NAA11: variants seen among roughly 807,000 people sequenced by gnomAD.
The protein encoded by NAA11 is N-alpha-acetyltransferase 11, NatA catalytic subunit.
A neutral mutation model predicts 16.1 loss-of-function variants in NAA11; 15 were observed. The ratio of observed to expected loss-of-function variants is 0.93; its 90% CI spans 0.62 to 1.44. The LOEUF (loss-of-function observed/expected upper bound fraction) is 1.44, where lower values mean the gene tolerates loss of function less well. NAA11 is among the 40% of genes most tolerant of loss of function. The pLI, the probability that NAA11 is intolerant of heterozygous loss-of-function variation, is 0.00. For synonymous variants in NAA11, 122 were observed against 112.4 expected (o/e 1.09, Z -0.54); for missense variants, 298 against 291.3 (o/e 1.02, Z -0.17).
At chr4:79,292,514 G>A (rs1723111038) in intron 2 of NAA11, among the ~76,000 whole-genome samples, 1 of 152,186 alleles carries the variant, frequency 6.6e-6, no homozygotes, top group African/African-American at 2.4e-5. Flanking sequence ...TTGTACATCT[G>A]TGCCTGACTT....
chr4:79,254,284 A>C (rs1490989394), intron 2 of NAA11, among the ~76,000 whole-genome samples: 1 of 152,218 alleles, frequency 6.6e-6, no homozygotes, highest in Admixed American at 6.5e-5. Context: ...AAACATTTTC[A>C]TATCTATCAA....
At chr4:79,314,996 A>G (rs1723885589), downstream of NAA11, among the ~76,000 whole-genome samples, 1 of 152,176 alleles carries the variant, frequency 6.6e-6, no homozygotes, top group African/African-American at 2.4e-5. Flanking sequence ...TATATTTAAG[A>G]AGGGGAATCT....
chr4:79,159,814 C>T, the NAA11 span, among the ~76,000 whole-genome samples: 4 of 152,180 alleles, frequency 2.6e-5, no homozygotes, highest in African/African-American at 4.8e-5. Flanking sequence ...TGTGCCCTTT[C>T]GTGACTGACT....
intron 2 of NAA11, among the ~76,000 whole-genome samples, chr4:79,291,664 C>T (rs922719164): frequency 1.3e-5 from 2 of 151,876 alleles, no homozygotes; most frequent in Admixed American, 6.6e-5. Flanking sequence ...ACAGAGGTTG[C>T]GGTGAGCCAA....
chr4:79,218,129 T>G, the NAA11 span, among the ~76,000 whole-genome samples: 1 of 152,112 alleles, frequency 6.6e-6, no homozygotes, highest in Non-Finnish European at 1.5e-5. Context: ...CCAGAAAGAT[T>G]GAGTTGTCAA....
intron 1 of NAA11, among the ~76,000 whole-genome samples, chr4:79,294,545 T>C (rs187817984): frequency 2.0e-5 from 3 of 152,202 alleles, no homozygotes; most frequent in Non-Finnish European, 2.9e-5. Flanking sequence ...AAACAAATCA[T>C]TGTTTATTAA....
rs1451188171 is a variant in NAA11, at chr4:79,325,953, T to G, written c.-76A>C. The G allele has an allele frequency of 1.0e-5, 14 of 1,350,848 alleles. No homozygotes were observed. The highest frequency in any genetic ancestry group is 2.9e-5 in the African/African-American group (2 of 68,746). 83.7% of individuals were successfully genotyped at this position (1,350,848 alleles called of 1,614,324 possible). A position where few individuals can be genotyped will look rare whatever the true frequency, so the allele number is the denominator to read the frequency against. ...TGTCGCCGACCTTAAGGGGCACTGTTTGCCTCAGGAATCGAGTCCAGGGGG... is the reference window on the plus strand; with the variant it reads ...TGTCGCCGACCTTAAGGGGCACTGTGTGCCTCAGGAATCGAGTCCAGGGGG... On this transcript the variant is annotated 5_prime_UTR_variant, in exon 1 of 2. Coordinates refer to ENST00000286794, the MANE Select transcript of NAA11 (RefSeq NM_032693.3).
intron 1 of NAA11, among the ~76,000 whole-genome samples, chr4:79,303,103 T>G (rs1560463152): frequency 8.0e-6 from 1 of 124,294 alleles, no homozygotes; most frequent in African/African-American, 3.2e-5. Context: ...TATATATATA[T>G]ATATATATAT....
At chr4:79,276,871 A>G (rs1722661376) in intron 2 of NAA11, among the ~76,000 whole-genome samples, 1 of 152,172 alleles carries the variant, frequency 6.6e-6, no homozygotes, top group Non-Finnish European at 1.5e-5. Context: ...ATTTGAGTCA[A>G]TATTTTGGTG....
At chr4:79,223,636 A>G (rs1350003088), downstream of NAA11, among the ~76,000 whole-genome samples, 2 of 71,406 alleles carry the variant, frequency 2.8e-5, no homozygotes, top group Non-Finnish European at 6.3e-5. Flanking sequence ...CCTAAAACTT[A>G]AAGTATAATT....
chr4:79,176,387 T>A, the NAA11 span, among the ~76,000 whole-genome samples: 1 of 152,258 alleles, frequency 6.6e-6, no homozygotes, highest in Admixed American at 6.5e-5. Flanking sequence ...TTTTAAGGAA[T>A]TGGCTCATGT....
At chr4:79,271,787 A>G (rs1388544462) in intron 2 of NAA11, among the ~76,000 whole-genome samples, 1 of 152,036 alleles carries the variant, frequency 6.6e-6, no homozygotes, top group Non-Finnish European at 1.5e-5. Context: ...AATGAAGTGA[A>G]AGGGAACTCA....
intron 2 of NAA11, among the ~76,000 whole-genome samples, chr4:79,279,841 C>T (rs1457399751): frequency 4.6e-5 from 7 of 152,084 alleles, no homozygotes. Context: ...AGCAATACCC[C>T]AGCCTTTCTG....
the NAA11 span, among the ~76,000 whole-genome samples, chr4:79,206,173 G>A: frequency 3.6e-4 from 54 of 152,044 alleles, no homozygotes; most frequent in African/African-American, 1.1e-3. Context: ...GATAGGAATC[G>A]CATTGAATCT....
At chr4:79,188,822 G>A in the NAA11 span, among the ~76,000 whole-genome samples, 1 of 152,032 alleles carries the variant, frequency 6.6e-6, no homozygotes, top group Admixed American at 6.5e-5. Flanking sequence ...CAGTAGCAGT[G>A]GAAGCTTGGG....
chr4:79,287,313 G>A (rs1460480993), intron 2 of NAA11, among the ~76,000 whole-genome samples: 2 of 152,074 alleles, frequency 1.3e-5, no homozygotes, highest in African/African-American at 2.4e-5. Context: ...TATAGTTCCA[G>A]TAGCTCCTTT....
intron 1 of NAA11, among the ~76,000 whole-genome samples, chr4:79,296,587 T>C (rs1484145): frequency 0.5 from 76,569 of 152,032 alleles, 19,605 homozygotes; most frequent in Middle Eastern, 0.6. Context: ...CAATCTTCAA[T>C]TGATACTCAG....
At chr4:79,185,077 G>A in the NAA11 span, among the ~76,000 whole-genome samples, 2 of 151,862 alleles carry the variant, frequency 1.3e-5, no homozygotes, top group African/African-American at 2.4e-5. Flanking sequence ...TTTTTTAATT[G>A]AAATATTGGA....
chr4:79,263,088 A>C (rs1204146437), intron 2 of NAA11, among the ~76,000 whole-genome samples: 1 of 152,198 alleles, frequency 6.6e-6, no homozygotes, highest in African/African-American at 2.4e-5. Flanking sequence ...TAAGGGAGAG[A>C]ACAATGATTG....
Sources: gnomAD v4.1 joint callset for allele counts (sites outside exome capture counted in the v4.1 genomes callset) on GRCh38, gnomAD v4.1.1 for gene constraint, MANE v1.5 for transcripts, NCBI Gene and HGNC (gene_info 2026-07-23, HGNC 2026-07-21) for gene names.